SEC24B: variants seen among roughly 807,000 people sequenced by gnomAD.
The protein encoded by SEC24B is protein transport protein Sec24B.
SEC24B carries 45 observed loss-of-function variants against 142.8 expected under a neutral mutation model. The observed-to-expected ratio is 0.32, with a 90% CI of 0.25 to 0.40. SEC24B has a LOEUF of 0.40. Ranked by LOEUF, SEC24B falls within the 10% of genes least tolerant of loss-of-function variation. The pLI is 1.00. For missense variants in SEC24B, 1,409 were observed against 1,526.8 expected, an observed-to-expected ratio of 0.92 and a Z score of 1.29; for synonymous variants, 574 against 568.2, an observed-to-expected ratio of 1.01 and a Z score of -0.15.
chr4:109,531,903 A>G (rs1051675056), intron 20 of SEC24B, among the ~76,000 whole-genome samples: 1 of 152,152 alleles, frequency 6.6e-6, no homozygotes, highest in Non-Finnish European at 1.5e-5. Flanking sequence ...TGTGTCACCC[A>G]GGCTGGAGTG....
rs1170824172 is a variant in SEC24B, at chr4:109,527,356, G to T, written c.3000G>T (p.Leu1000Phe). The T allele has an allele frequency of 6.2e-7, 1 of 1,612,728 alleles. No individual in the cohort carries two copies. ...GAATTAGAGTACATACACTTTGTTT[G>T]CCAGTGGTAAGTTCACTAGCAGATG... ...ERRIRVHTLC[L>F]PVVSSLADVY... Residue 1000 changes from leucine to phenylalanine, a missense_variant, in exon 18 of 24, where the codon TTG (leucine) becomes TTT (phenylalanine). By Grantham distance (22) the Leu-to-Phe change is conservative. Around this residue, in one of 2 missense-constraint regions of SEC24B, gnomAD observed 700 missense variants for 853.3 expected, o/e 0.82. Transcript: ENST00000265175.
intron 9 of SEC24B, among the ~76,000 whole-genome samples, chr4:109,513,272 C>T (rs1271079897): frequency 3.5e-5 from 5 of 142,090 alleles, no homozygotes; most frequent in South Asian, 2.2e-4. Context: ...CTGCGCCTGG[C>T]CCCCTGATTA....
At chr4:109,519,911 T>C (rs1035054715) in intron 11 of SEC24B, among the ~76,000 whole-genome samples, 1 of 152,236 alleles carries the variant, frequency 6.6e-6, no homozygotes, top group Non-Finnish European at 1.5e-5. Context: ...GAGGCATCTA[T>C]CTTATTAATA....
intron 3 of SEC24B, among the ~76,000 whole-genome samples, chr4:109,478,967 T>C (rs1021422508): frequency 6.6e-6 from 1 of 152,142 alleles, no homozygotes; most frequent in African/African-American, 2.4e-5. Context: ...TACTCAAAAG[T>C]CTGAACTCCT....
intron 1 of SEC24B, among the ~76,000 whole-genome samples, chr4:109,439,775 A>G (rs1308314068): frequency 6.6e-6 from 1 of 150,730 alleles, no homozygotes. Flanking sequence ...TGCTGGGATT[A>G]CAGGCGTGAG....
chr4:109,435,450 T>C (rs184132438), intron 1 of SEC24B, among the ~76,000 whole-genome samples: 1 of 152,356 alleles, frequency 6.6e-6, no homozygotes, highest in East Asian at 1.9e-4. Context: ...AGAGCCCAAG[T>C]CTTTTAGAAC....
At chr4:109,476,714 A>G (rs1182888610) in intron 3 of SEC24B, among the ~76,000 whole-genome samples, 2 of 129,122 alleles carry the variant, frequency 1.5e-5, no homozygotes, top group African/African-American at 1.0e-4. Context: ...ACAGTTTGTA[A>G]TTTGCAAATC....
intron 22 of SEC24B, among the ~76,000 whole-genome samples, chr4:109,536,862 T>C (rs536385024): frequency 1.7e-3 from 265 of 151,892 alleles, no homozygotes; most frequent in African/African-American, 6.1e-3. Flanking sequence ...TTAGAATGGG[T>C]AACGCCTTTG....
chr4:109,514,640 G>A (rs534993595), intron 10 of SEC24B, among the ~76,000 whole-genome samples: 2 of 152,366 alleles, frequency 1.3e-5, no homozygotes, highest in South Asian at 4.1e-4. Flanking sequence ...GGAGGTTGCA[G>A]TGAGCCAAGA....
chr4:109,448,506 CT>C lies in SEC24B; in HGVS notation c.134-14383del, dbSNP rs971418276. Among the ~76,000 whole-genome samples, 851 of 147,004 alleles carry C rather than the reference CT, an allele frequency of 5.8e-3. 12 individuals carry two copies. Among genetic ancestry groups the C allele is most frequent in the African/African-American group, 0.018 (735 of 40,378 alleles). On this transcript the variant is annotated intron_variant, in intron 1 of 23. Coordinates refer to ENST00000265175, the MANE Select transcript of SEC24B (RefSeq NM_006323.5). Reference sequence around the variant, plus strand: ...CTTCCTCTAACAATAACTTATGAAACTTTTTTTTTTTTGAGCCTCCCAGGTT... The same window carrying C: ...CTTCCTCTAACAATAACTTATGAAACTTTTTTTTTTTGAGCCTCCCAGGTT...
chr4:109,513,980 T>C (rs1370948397), intron 10 of SEC24B, 124 bp downstream of exon 10: 3 of 610,848 alleles, frequency 4.9e-6, no homozygotes, highest in Non-Finnish European at 5.8e-6. Flanking sequence ...AAAAACAAAT[T>C]AATGCTGGAA....
chr4:109,517,768 T>TA (rs1460066737), intron 11 of SEC24B, among the ~76,000 whole-genome samples: 1 of 152,172 alleles, frequency 6.6e-6, no homozygotes, highest in East Asian at 1.9e-4. Flanking sequence ...AGGATTTTTT[T>TA]AAAAAGAATC....
In SEC24B at chr4:109,494,796, A is replaced by G; in HGVS notation, c.1428A>G (p.Pro476=). 1.8e-5 allele frequency: 29 copies of G among 1,614,114 alleles called. No individual in the cohort carries two copies. The highest frequency in any genetic ancestry group is 2.5e-5 in the Non-Finnish European group (29 of 1,180,004). Residue 476 remains proline (P), a synonymous_variant, in exon 6 of 24, where the codon CCA becomes CCG. Coordinates refer to ENST00000265175, the MANE Select transcript of SEC24B (RefSeq NM_006323.5). ...CTGGTTATCAGAATGCTACAGCACC[A>G]CTTATTTCTGGAGTACAGCCCAGTA... ...LQPGYQNATA[P]LISGVQPSNP...
intron 14 of SEC24B, among the ~76,000 whole-genome samples, chr4:109,522,071 A>T (rs1331766348): frequency 7.1e-6 from 1 of 139,974 alleles, no homozygotes; most frequent in African/African-American, 2.7e-5. Context: ...TTTTTTTTTG[A>T]GACGGAGTCT....
chr4:109,462,844 C>A, intron 1 of SEC24B, 57 bp from the exon 2 acceptor site: 2 of 1,297,314 alleles, frequency 1.5e-6, no homozygotes, highest in Non-Finnish European at 2.1e-6. Flanking sequence ...TAAATGGGGG[C>A]TATTTTTAAA....
chr4:109,531,577 G>C, intron 20 of SEC24B, 55 bp downstream of exon 20: 1 of 1,329,370 alleles, frequency 7.5e-7, no homozygotes, highest in Non-Finnish European at 1.1e-6. Context: ...TGAGTGTCTT[G>C]TTCTACAGCT....
At chr4:109,511,407 A>G (rs1036897607) in intron 8 of SEC24B, among the ~76,000 whole-genome samples, 1 of 152,230 alleles carries the variant, frequency 6.6e-6, no homozygotes, top group African/African-American at 2.4e-5. Context: ...TACTAAAATG[A>G]TAGCAGGTTA....
Position 109,539,797 on chromosome 4 carries a change from C to G in SEC24B, c.*122C>G. The G allele has an allele frequency of 1.6e-6, 1 of 630,182 alleles. No homozygotes were observed. Among genetic ancestry groups the G allele is most frequent in the Non-Finnish European group, 2.8e-6 (1 of 362,522 alleles). 39.0% of individuals were successfully genotyped at this position (630,182 alleles called of 1,614,324 possible). ...AATACAAGATGCAACGCACAGCACTCTGTCTGAGGCTTTGGTAAAAAGTAA... is the reference window on the plus strand; with the variant it reads ...AATACAAGATGCAACGCACAGCACTGTGTCTGAGGCTTTGGTAAAAAGTAA... On this transcript the variant is annotated 3_prime_UTR_variant, in exon 24 of 24. Coordinates refer to ENST00000265175, the MANE Select transcript of SEC24B (RefSeq NM_006323.5).
intron 3 of SEC24B, among the ~76,000 whole-genome samples, chr4:109,480,257 CAAGTATGCTAG>C: frequency 6.6e-6 from 1 of 151,318 alleles, no homozygotes. Context: ...CCATGCTAAT[CAAGTATGCTAG>C]TCACCTGAAA....
Sources: allele counts gnomAD v4.1 joint callset (sites outside exome capture counted in the v4.1 genomes callset), GRCh38; gene constraint gnomAD v4.1.1; regional missense constraint gnomAD v4.1.1; transcripts MANE v1.5; gene names NCBI Gene and HGNC (gene_info 2026-07-23, HGNC 2026-07-21).